The following MAGI2 variants were observed in gnomAD, a reference collection of about 807,000 sequenced individuals.
MAGI2 encodes the protein membrane-associated guanylate kinase, WW and PDZ domain-containing protein 2.
Under a neutral mutation model 133.3 loss-of-function variants are expected in MAGI2, and 35 were observed. That is an observed-to-expected ratio of 0.26 (90% CI 0.20 to 0.35). The LOEUF is 0.35. Ranked by LOEUF, MAGI2 falls within the 10% of genes least tolerant of loss-of-function variation. MAGI2 has a pLI of 1.00. For missense variants in MAGI2, 1,636 were observed against 1,863.4 expected (o/e 0.88, Z 2.25); for synonymous variants, 729 against 710.6 (o/e 1.03, Z -0.41).
chr7:78,165,800 T>A (rs933122117), intron 15 of MAGI2, among the ~76,000 whole-genome samples: 5 of 152,236 alleles, frequency 3.3e-5, no homozygotes, highest in Non-Finnish European at 7.3e-5. Context: ...GGCATCTCCA[T>A]TGTCATATTC....
At chr7:78,378,411 C>A (rs994973900) in intron 6 of MAGI2, among the ~76,000 whole-genome samples, 1 of 151,828 alleles carries the variant, frequency 6.6e-6, no homozygotes, top group Non-Finnish European at 1.5e-5. Context: ...TGTCATATAG[C>A]CGGAAAAATT....
At chr7:79,428,015 C>T (rs567346236) in intron 1 of MAGI2, among the ~76,000 whole-genome samples, 138 of 152,204 alleles carry the variant, frequency 9.1e-4, no homozygotes, top group Non-Finnish European at 1.7e-3. Context: ...GCATGAATTT[C>T]CAAATTTTTA....
chr7:79,149,852 T>C (rs901334024), intron 1 of MAGI2, among the ~76,000 whole-genome samples: 2 of 151,978 alleles, frequency 1.3e-5, no homozygotes. Context: ...TTTAGCAGAG[T>C]CTCAAATTTT....
intron 21 of MAGI2, among the ~76,000 whole-genome samples, chr7:78,076,650 T>G: frequency 6.7e-6 from 1 of 150,178 alleles, no homozygotes. Context: ...ATCGAGACCA[T>G]CCTGGCTAAC....
intron 3 of MAGI2, among the ~76,000 whole-genome samples, chr7:78,566,965 G>A (rs1309302226): frequency 6.6e-6 from 1 of 152,098 alleles, no homozygotes; most frequent in Non-Finnish European, 1.5e-5. Context: ...TCAACTCTGA[G>A]CTCATGTCTC....
At chr7:78,774,961 A>T (rs1171931311) in intron 2 of MAGI2, among the ~76,000 whole-genome samples, 1 of 152,138 alleles carries the variant, frequency 6.6e-6, no homozygotes, top group Non-Finnish European at 1.5e-5. Context: ...TATCCATTTT[A>T]CTAGTCAGTA....
chr7:78,168,738 C>T (rs570490335), intron 14 of MAGI2, among the ~76,000 whole-genome samples: 5 of 152,198 alleles, frequency 3.3e-5, no homozygotes, highest in East Asian at 1.9e-4. Context: ...CGGCACTTAA[C>T]GAGGGATCAA....
intron 1 of MAGI2, among the ~76,000 whole-genome samples, chr7:79,306,095 C>T (rs1837768595): frequency 6.7e-6 from 1 of 149,504 alleles, no homozygotes; most frequent in African/African-American, 2.5e-5. Flanking sequence ...CAGTCTTGAC[C>T]TTCTGGGCTC....
At chr7:78,471,128 A>T (rs911577393) in intron 6 of MAGI2, among the ~76,000 whole-genome samples, 1 of 152,134 alleles carries the variant, frequency 6.6e-6, no homozygotes, top group African/African-American at 2.4e-5. Flanking sequence ...AAGGTGAATT[A>T]TGCTTATCAG....
intron 2 of MAGI2, among the ~76,000 whole-genome samples, chr7:78,633,438 G>T (rs1341350610): frequency 6.6e-6 from 1 of 152,012 alleles, no homozygotes; most frequent in African/African-American, 2.4e-5. Flanking sequence ...GGGGGCGGTG[G>T]TTCATGCCTG....
chr7:79,186,682 C>T (rs957895969), intron 1 of MAGI2, among the ~76,000 whole-genome samples: 8 of 106,752 alleles, frequency 7.5e-5, no homozygotes, highest in East Asian at 3.0e-4. Context: ...ACATTTTATA[C>T]GAGTATATAT....
At chr7:79,321,326 A>C (rs1277224159) in intron 1 of MAGI2, among the ~76,000 whole-genome samples, 1 of 152,156 alleles carries the variant, frequency 6.6e-6, no homozygotes, top group Non-Finnish European at 1.5e-5. Flanking sequence ...TGACCTGTAA[A>C]TTTATTAACT....
chr7:79,161,211 A>G (rs1824322108), intron 1 of MAGI2, among the ~76,000 whole-genome samples: 1 of 152,040 alleles, frequency 6.6e-6, no homozygotes, highest in Non-Finnish European at 1.5e-5. Flanking sequence ...TTCCAGTACT[A>G]TAAAACTGAA....
intron 7 of MAGI2, among the ~76,000 whole-genome samples, chr7:78,361,970 G>A (rs995617141): frequency 3.9e-5 from 6 of 152,078 alleles, no homozygotes; most frequent in African/African-American, 9.7e-5. Flanking sequence ...GAGACTGGAC[G>A]GGAGACTTCT....
intron 2 of MAGI2, among the ~76,000 whole-genome samples, chr7:78,777,074 T>C (rs937100283): frequency 6.6e-6 from 1 of 152,204 alleles, no homozygotes; most frequent in East Asian, 1.9e-4. Flanking sequence ...CTGTCAAAAG[T>C]GTACTGCTCT....
At chr7:78,220,612 AT>A in intron 10 of MAGI2, among the ~76,000 whole-genome samples, 1 of 151,262 alleles carries the variant, frequency 6.6e-6, no homozygotes, top group Non-Finnish European at 1.5e-5. Context: ...TGATCAGTAT[AT>A]TCTATTTCCC....
chr7:78,419,266 A>C (rs927056815), intron 6 of MAGI2, among the ~76,000 whole-genome samples: 1 of 152,142 alleles, frequency 6.6e-6, no homozygotes, highest in Non-Finnish European at 1.5e-5. Context: ...GCCAAGAGGA[A>C]CCTTGGACAA....
intron 1 of MAGI2, among the ~76,000 whole-genome samples, chr7:79,419,161 T>A (rs1435450855): frequency 6.6e-6 from 1 of 152,086 alleles, no homozygotes; most frequent in Admixed American, 6.6e-5. Flanking sequence ...TTCAATTTCC[T>A]TTACTAAACA....
At chr7:79,301,884 C>T (rs563805651) in intron 1 of MAGI2, among the ~76,000 whole-genome samples, 1 of 152,252 alleles carries the variant, frequency 6.6e-6, no homozygotes, top group African/African-American at 2.4e-5. Flanking sequence ...TGAATTCTTA[C>T]AAGATCTGGT....
Sources: gnomAD v4.1 joint callset for allele counts (sites outside exome capture counted in the v4.1 genomes callset) on GRCh38, gnomAD v4.1.1 for gene constraint, MANE v1.5 for transcripts, NCBI Gene and HGNC (gene_info 2026-07-23, HGNC 2026-07-21) for gene names.